Variants in ATP2C2 observed in about 807,000 individuals in gnomAD.
The protein encoded by ATP2C2 is ATPase secretory pathway Ca2+ transporting 2, also known as calcium-transporting ATPase type 2C member 2.
ATP2C2 carries 171 observed loss-of-function variants against 110.8 expected under a neutral mutation model. That is an observed-to-expected ratio of 1.54 (90% CI 1.36 to 1.75). ATP2C2 has a LOEUF of 1.75. Ranked by LOEUF, ATP2C2 falls within the 40% of genes most tolerant of loss-of-function variation. ATP2C2 has a pLI of 0.00. For missense variants in ATP2C2, 1,963 were observed against 1,235.0 expected (o/e 1.59, Z -8.84); for synonymous variants, 804 against 508.4 (o/e 1.58, Z -7.82).
chr16:84,425,605 G>A (rs1055429023), intron 10 of ATP2C2, 130 bp from the exon 11 acceptor site: 7 of 979,924 alleles, frequency 7.1e-6, no homozygotes. Flanking sequence ...GGTTGAAAGT[G>A]GTTGAGGTTA....
Position 84,460,721 on chromosome 16 carries a change from C to T in ATP2C2, c.2401C>T (p.Leu801Phe), listed in dbSNP as rs1268328735. The T allele has an allele frequency of 6.2e-7, 1 of 1,614,078 alleles. No individual in the cohort carries two copies. Among genetic ancestry groups the T allele is most frequent in the East Asian group, 2.2e-5 (1 of 44,892 alleles). Residue 801 changes from leucine (L) to phenylalanine (F), a missense_variant, in exon 24 of 27, where the codon CTC (leucine) becomes TTC (phenylalanine). Physicochemically the swap from Leu to Phe is conservative, Grantham distance 22. Coordinates refer to ENST00000262429, the MANE Select transcript of ATP2C2 (RefSeq NM_014861.4). ...ACCACGGAGTGTGCGGGACACCATCCTCAGCAGAGCCCTCATCCTGAAGAT... is the reference window on the plus strand; with the variant it reads ...ACCACGGAGTGTGCGGGACACCATCTTCAGCAGAGCCCTCATCCTGAAGAT... Reference protein sequence around the residue: ...QPPRSVRDTILSRALILKILM... With the variant: ...QPPRSVRDTIFSRALILKILM...
chr16:84,459,211 AGT>A (rs779623852), intron 22 of ATP2C2, 23 bp downstream of exon 22: 2 of 1,614,206 alleles, frequency 1.2e-6, no homozygotes, highest in East Asian at 4.5e-5. Context: ...CAGCATTCCG[AGT>A]GTCATTAAGC....
chr16:84,463,490 G>A (rs949256455), intron 26 of ATP2C2, 124 bp from the exon 27 acceptor site: 2 of 776,424 alleles, frequency 2.6e-6, no homozygotes, highest in Non-Finnish European at 4.4e-6. Flanking sequence ...GCCTTCAGGG[G>A]AATGAAAAGG....
intron 20 of ATP2C2, among the ~76,000 whole-genome samples, chr16:84,453,985 T>A (rs1910559801): frequency 6.6e-6 from 1 of 152,080 alleles, no homozygotes; most frequent in South Asian, 2.1e-4. Flanking sequence ...GGGATTGCGG[T>A]GTGCACCAGC....
intron 21 of ATP2C2, among the ~76,000 whole-genome samples, chr16:84,455,245 G>T (rs1910690983): frequency 6.6e-6 from 1 of 152,224 alleles, no homozygotes; most frequent in South Asian, 2.1e-4. Flanking sequence ...AAGCAGAGAT[G>T]GGATTTGCTG....
Position 84,422,386 on chromosome 16 carries a change from C to A in ATP2C2, c.625-4C>A. On this transcript the variant is annotated splice_polypyrimidine_tract_variant and splice_region_variant and intron_variant, in intron 7 of 26. Transcript: ENST00000262429. ...TCCACAGCCTTTTCCCCTTGCTCTCCTAGGTCACGGACCTCTTGGTGGATG... is the reference window on the plus strand; with the variant it reads ...TCCACAGCCTTTTCCCCTTGCTCTCATAGGTCACGGACCTCTTGGTGGATG... 6.2e-7 allele frequency: 1 copy of A among 1,613,166 alleles called. No individual in the cohort carries two copies. Among genetic ancestry groups the A allele is most frequent in the Non-Finnish European group, 8.5e-7 (1 of 1,179,632 alleles).
intron 7 of ATP2C2, among the ~76,000 whole-genome samples, chr16:84,417,289 C>T (rs775711682): frequency 6.6e-6 from 1 of 152,114 alleles, no homozygotes; most frequent in Non-Finnish European, 1.5e-5. Flanking sequence ...AGTCAGAGAA[C>T]CCCAGGCCCC....
At chr16:84,405,018 G>T (rs1187787316) in intron 2 of ATP2C2, 110 bp from the exon 3 acceptor site, 1 of 904,070 alleles carries the variant, frequency 1.1e-6, no homozygotes, top group Admixed American at 1.7e-5. Context: ...ACAAGCCTGT[G>T]TCCCTGGCCC....
intron 24 of ATP2C2, chr16:84,461,026 C>G: frequency 1.8e-6 from 1 of 570,570 alleles, no homozygotes; most frequent in South Asian, 3.1e-5. Flanking sequence ...ACTACAGAGG[C>G]CAGCGGGGTG....
Position 84,460,667 on chromosome 16 carries a change from C to A in ATP2C2, c.2347C>A (p.Pro783Thr), listed in dbSNP as rs1486581865. 1.2e-6 allele frequency: 2 copies of A among 1,614,192 alleles called. No individual in the cohort carries two copies. The highest frequency in any genetic ancestry group is 1.7e-6 in the Non-Finnish European group (2 of 1,180,036). ...GPPAQSLGVE[P>T]VDKDAFRQPP... ...TGTTCGGAGCAGCTTGGGGGTAGAG[C>A]CCGTTGACAAAGACGCCTTCAGGCA... is the stretch of plus-strand genomic sequence containing the variant. The change falls in exon 24 of 27, where the codon CCC becomes ACC. Residue 783 changes from proline (P) to threonine (T), a missense_variant. Coordinates refer to ENST00000262429, the MANE Select transcript of ATP2C2 (RefSeq NM_014861.4).
chr16:84,463,060 C>A, intron 26 of ATP2C2: 1 of 157,048 alleles, frequency 6.4e-6, no homozygotes, highest in Non-Finnish European at 1.4e-5. Context: ...TTCCACCCGC[C>A]GGGAAGGAAG....
chr16:84,427,878 C>T lies in ATP2C2; in HGVS notation c.986+2077C>T, dbSNP rs146313765. On this transcript the variant is annotated intron_variant, in intron 11 of 26. Transcript: ENST00000262429. Reference sequence around the variant, plus strand: ...CCAAAATTGATTGTGCGGATAGGTGCACGACTCTGCATACACTAACCACCA... The same window carrying T: ...CCAAAATTGATTGTGCGGATAGGTGTACGACTCTGCATACACTAACCACCA... Among the ~76,000 whole-genome samples the T allele has an allele frequency of 8.5e-5, 13 of 152,198 alleles. No individual in the cohort carries two copies. The East Asian group carries it at 2.1e-3, about 25-fold the overall frequency.
At chr16:84,443,499 C>T (rs1323410960) in intron 15 of ATP2C2, among the ~76,000 whole-genome samples, 3 of 152,202 alleles carry the variant, frequency 2.0e-5, no homozygotes, top group Admixed American at 1.3e-4. Context: ...ACGGACCCCT[C>T]GCTGCCGCCG....
intron 1 of ATP2C2, among the ~76,000 whole-genome samples, chr16:84,394,474 C>G (rs1410526284): frequency 6.6e-6 from 1 of 152,086 alleles, no homozygotes; most frequent in Admixed American, 6.6e-5. Flanking sequence ...GCTTCTTCCG[C>G]TTAGTGTGAT....
chr16:84,401,964 A>G (rs954217762), intron 2 of ATP2C2, among the ~76,000 whole-genome samples: 1 of 152,354 alleles, frequency 6.6e-6, no homozygotes, highest in Non-Finnish European at 1.5e-5. Flanking sequence ...ACCCATGAAC[A>G]TGGAATATCT....
At chr16:84,373,958 C>A (rs1408000024) in intron 1 of ATP2C2, among the ~76,000 whole-genome samples, 1 of 152,208 alleles carries the variant, frequency 6.6e-6, no homozygotes, top group African/African-American at 2.4e-5. Context: ...GATAATCAGA[C>A]TCAAACTCAA....
rs745397331 is a variant in ATP2C2 at position 84,368,635 on chromosome 16, C to T, written c.20C>T (p.Ser7Phe). The change falls in exon 1 of 27, where the codon TCC becomes TTC. Residue 7 changes from serine (S) to phenylalanine (F), a missense_variant. Ser to Phe is a radical substitution (Grantham distance 155). Coordinates refer to ENST00000262429, the MANE Select transcript of ATP2C2 (RefSeq NM_014861.4). ...CTCACCATGGTCGAGGGACGCGTCT[C>T]CGAGTTCCTGAAGAAACTCGGCTTC... MVEGRV[S>F]EFLKKLGFSG... 7.7e-6 allele frequency: 12 copies of T among 1,563,576 alleles called. No individual in the cohort carries two copies. The highest frequency in any genetic ancestry group is 1.0e-5 in the Non-Finnish European group (12 of 1,155,364).
intron 15 of ATP2C2, among the ~76,000 whole-genome samples, chr16:84,444,179 A>AAAAC (rs1555565303): frequency 2.7e-5 from 4 of 147,702 alleles, no homozygotes; most frequent in African/African-American, 1.0e-4. Flanking sequence ...AAAAAAAAAA[A>AAAAC]AAAAACAAAA....
intron 10 of ATP2C2, among the ~76,000 whole-genome samples, chr16:84,425,348 G>GA (rs963542260): frequency 2.0e-5 from 3 of 152,102 alleles, no homozygotes; most frequent in Non-Finnish European, 4.4e-5. Flanking sequence ...AAAATAATTT[G>GA]AAAAAACAGT....
Sources: gnomAD v4.1 joint callset for allele counts (sites outside exome capture counted in the v4.1 genomes callset) on GRCh38, gnomAD v4.1.1 for gene constraint, MANE v1.5 for transcripts, NCBI Gene and HGNC (gene_info 2026-07-23, HGNC 2026-07-21) for gene names.